Variants in HMGB1 observed in about 807,000 individuals in gnomAD.
HMGB1 encodes high mobility group protein B1.
For missense variants in HMGB1, 79 were observed against 253.5 expected (o/e 0.31, Z 4.67); for synonymous variants, 81 against 84.0 (o/e 0.96, Z 0.19).
At chr13:30,462,477 A>C in intron 4 of HMGB1, 61 bp downstream of exon 4, 1 of 1,342,430 alleles carries the variant, frequency 7.4e-7, no homozygotes, top group Non-Finnish European at 1.1e-6. Flanking sequence ...CCTCAAACTA[A>C]GTACAATCAT....
intron 1 of HMGB1, among the ~76,000 whole-genome samples, chr13:30,580,016 A>G (rs1354934289): frequency 6.6e-6 from 1 of 152,230 alleles, no homozygotes; most frequent in Admixed American, 6.5e-5. Flanking sequence ...AATCTTACTT[A>G]AGACGAAAGA....
intron 1 of HMGB1, among the ~76,000 whole-genome samples, chr13:30,584,889 T>TGGGTGCA: frequency 1.3e-5 from 2 of 152,266 alleles, no homozygotes; most frequent in East Asian, 3.9e-4. Context: ...GGTTCACGCC[T>TGGGTGCA]GTAATCCTAG....
rs140020527 is a variant in HMGB1, at chr13:30,603,128, T to C, written c.-15+13543A>G. Among the ~76,000 whole-genome samples the C allele has an allele frequency of 3.4e-3, 517 of 152,318 alleles. 1 individual carries two copies. The highest frequency in any genetic ancestry group is 0.011 in the African/African-American group (457 of 41,580). On this transcript the variant is annotated intron_variant, in intron 1 of 4. Coordinates refer to the HMGB1 transcript ENST00000405805. Reference sequence around the variant, plus strand: ...CCTTATATTTTGTTTTAAATTTTCCTCTGTATTTTTCTCTCTGGCAAATTG... The same window carrying C: ...CCTTATATTTTGTTTTAAATTTTCCCCTGTATTTTTCTCTCTGGCAAATTG...
chr13:30,495,079 C>T (rs967245398), intron 1 of HMGB1, among the ~76,000 whole-genome samples: 2 of 152,154 alleles, frequency 1.3e-5, no homozygotes, highest in East Asian at 1.9e-4. Context: ...TATCCATCGA[C>T]GGACAATTGG....
rs1258779654 is a variant in HMGB1, at chr13:30,465,901, G to C, written c.-120C>G. The C allele has an allele frequency of 3.0e-6, 3 of 985,946 alleles. No homozygotes were observed. The highest frequency in any genetic ancestry group is 3.6e-6 in the Non-Finnish European group (3 of 829,984). 61.1% of individuals were successfully genotyped at this position (985,946 alleles called of 1,614,324 possible). A position where few individuals can be genotyped will look rare whatever the true frequency, so the allele number is the denominator to read the frequency against. On this transcript the variant is annotated 5_prime_UTR_variant, in exon 1 of 5. Transcript: ENST00000341423. ...GCAATGGCTGTGAGAGCGGGAGCCA[G>C]ACGCAGCCTCCTCACTCTCTCCGCT... is the stretch of plus-strand genomic sequence containing the variant.
chr13:30,497,295 C>T (rs534135423), intron 1 of HMGB1, among the ~76,000 whole-genome samples: 4 of 152,178 alleles, frequency 2.6e-5, no homozygotes, highest in South Asian at 4.2e-4. Flanking sequence ...GGTGCGATCT[C>T]GGCTCACTGC....
chr13:30,556,943 G>A (rs1035022898), intron 1 of HMGB1, among the ~76,000 whole-genome samples: 1 of 152,168 alleles, frequency 6.6e-6, no homozygotes, highest in African/African-American at 2.4e-5. Context: ...GATGGTGGAT[G>A]TGCGAATTAC....
At chr13:30,463,154 T>C in intron 3 of HMGB1, 53 bp downstream of exon 3, 1 of 1,556,956 alleles carries the variant, frequency 6.4e-7, no homozygotes, top group South Asian at 1.2e-5. Context: ...TAAATTTCTC[T>C]CAGATTCTAC....
intron 1 of HMGB1, among the ~76,000 whole-genome samples, chr13:30,594,673 G>C (rs778569233): frequency 3.3e-5 from 5 of 152,086 alleles, no homozygotes; most frequent in Non-Finnish European, 7.3e-5. Context: ...TATTGTGAAC[G>C]GTGCTGCAAT....
At chr13:30,552,329 A>G (rs1869465231) in intron 1 of HMGB1, among the ~76,000 whole-genome samples, 1 of 152,162 alleles carries the variant, frequency 6.6e-6, no homozygotes, top group South Asian at 2.1e-4. Context: ...GTATCTCCTA[A>G]AAATAGGACA....
At chr13:30,564,157 G>A (rs1314671358) in intron 1 of HMGB1, among the ~76,000 whole-genome samples, 3 of 151,802 alleles carry the variant, frequency 2.0e-5, no homozygotes, top group Admixed American at 6.6e-5. Context: ...CATGAGCCAC[G>A]TGCAGTGGCT....
intron 1 of HMGB1, chr13:30,554,202 C>A: frequency 2.1e-6 from 3 of 1,434,716 alleles, no homozygotes; most frequent in Non-Finnish European, 2.9e-6. Flanking sequence ...TTGCATTATA[C>A]GACCTGGCCA....
intron 1 of HMGB1, among the ~76,000 whole-genome samples, chr13:30,548,019 A>T (rs554577555): frequency 1.3e-5 from 2 of 152,316 alleles, no homozygotes; most frequent in Admixed American, 1.3e-4. Flanking sequence ...ATTTTATCTA[A>T]TGGTGTTTTT....
chr13:30,554,180 A>G (rs1869566988), intron 1 of HMGB1: 1 of 1,399,146 alleles, frequency 7.1e-7, no homozygotes, highest in Non-Finnish European at 1.0e-6. Context: ...TGAAACCAGA[A>G]CAATATCTCA....
intron 1 of HMGB1, among the ~76,000 whole-genome samples, chr13:30,526,634 G>A (rs988396952): frequency 3.9e-5 from 6 of 152,178 alleles, no homozygotes; most frequent in African/African-American, 9.7e-5. Context: ...GGGACATGAC[G>A]TCTACGAGGA....
intron 1 of HMGB1, among the ~76,000 whole-genome samples, chr13:30,594,115 T>A (rs1871492805): frequency 6.6e-6 from 1 of 152,118 alleles, no homozygotes; most frequent in Non-Finnish European, 1.5e-5. Flanking sequence ...TTTACATACG[T>A]ATCTACACAC....
Position 30,460,726 on chromosome 13 carries a change from C to A in HMGB1, c.*631G>T, listed in dbSNP as rs1886268207. The A allele has an allele frequency of 2.0e-5, 3 of 153,126 alleles. No homozygotes were observed. In the Admixed American group the frequency reaches 2.0e-4, roughly 10 times the overall value. The allele number at this position is 153,126 out of a possible 1,614,324, so 9.5% of individuals were successfully genotyped here. On this transcript the variant is annotated 3_prime_UTR_variant, in exon 5 of 5. Transcript: ENST00000341423. ...ATGGATGAAAACTATCTCAACTTAA[C>A]TTTACCCCCATTATGATATGCAGGG...
At chr13:30,532,657 C>A (rs1168833555) in intron 1 of HMGB1, among the ~76,000 whole-genome samples, 1 of 152,042 alleles carries the variant, frequency 6.6e-6, no homozygotes, top group Non-Finnish European at 1.5e-5. Flanking sequence ...TACAGGCATG[C>A]ACCATCATGC....
At chr13:30,493,898 G>C (rs1887553978) in intron 1 of HMGB1, among the ~76,000 whole-genome samples, 4 of 151,910 alleles carry the variant, frequency 2.6e-5, no homozygotes, top group Admixed American at 2.6e-4. Context: ...GAGGGTTGCT[G>C]AGCCCAGGAT....
Sources: allele counts gnomAD v4.1 joint callset (sites outside exome capture counted in the v4.1 genomes callset), GRCh38; gene constraint gnomAD v4.1.1; transcripts MANE v1.5; gene names NCBI Gene and HGNC (gene_info 2026-07-23, HGNC 2026-07-21).